Variants in ZNF536 observed in about 807,000 individuals in gnomAD.
The protein encoded by ZNF536 is zinc finger protein 536.
A neutral mutation model predicts 84.5 loss-of-function variants in ZNF536; 13 were observed. That is an observed-to-expected ratio of 0.15 (90% CI 0.10 to 0.24). The LOEUF (loss-of-function observed/expected upper bound fraction) is 0.24, where lower values mean the gene tolerates loss of function less well. ZNF536 is among the 10% of genes least tolerant of loss of function. The probability of loss-of-function intolerance (pLI) is 1.00; values close to 1 mark genes in which losing one functional copy is unlikely to be tolerated. For synonymous variants in ZNF536, 811 were observed against 742.5 expected (o/e 1.09, Z -1.50); for missense variants, 1,536 against 1,747.5 (o/e 0.88, Z 2.16).
At chr19:30,567,455 T>A (rs1283008766) in intron 1 of ZNF536, among the ~76,000 whole-genome samples, 1 of 152,332 alleles carries the variant, frequency 6.6e-6, no homozygotes, top group Middle Eastern at 3.4e-3. Context: ...AGTCCTTCCA[T>A]GTCACAGTCT....
chr19:30,275,166 T>C (rs2026060634), intron 1 of ZNF536, among the ~76,000 whole-genome samples: 1 of 152,134 alleles, frequency 6.6e-6, no homozygotes. Flanking sequence ...CTGGAGACCA[T>C]GGCCTCTGGG....
At chr19:30,586,442 G>A (rs1164769278) in intron 1 of ZNF536, among the ~76,000 whole-genome samples, 1 of 152,200 alleles carries the variant, frequency 6.6e-6, no homozygotes, top group Non-Finnish European at 1.5e-5. Context: ...GAATCAGGTG[G>A]ACAAATGCAT....
chr19:30,606,923 G>A (rs1418795508), intron 1 of ZNF536, among the ~76,000 whole-genome samples: 1 of 152,098 alleles, frequency 6.6e-6, no homozygotes, highest in African/African-American at 2.4e-5. Context: ...AGCTATTGGT[G>A]GAGGCCCCAG....
At chr19:30,407,649 C>A (rs1218656541) in intron 1 of ZNF536, among the ~76,000 whole-genome samples, 5 of 152,294 alleles carry the variant, frequency 3.3e-5, no homozygotes, top group Middle Eastern at 3.4e-3. Flanking sequence ...GGGTGATCAC[C>A]AAGATGAGTT....
chr19:30,259,364 A>T (rs2145224843), intron 1 of ZNF536, among the ~76,000 whole-genome samples: 1 of 152,356 alleles, frequency 6.6e-6, no homozygotes, highest in East Asian at 1.9e-4. Flanking sequence ...CAGAAAAAGA[A>T]TGCAGCAGCG....
intron 3 of ZNF536, among the ~76,000 whole-genome samples, chr19:30,541,825 A>G (rs1372559508): frequency 6.6e-6 from 1 of 152,240 alleles, no homozygotes; most frequent in Non-Finnish European, 1.5e-5. Flanking sequence ...AATTAGAGAC[A>G]CAGATTGTCC....
chr19:30,696,654 G>A (rs1308728956), intron 1 of ZNF536, among the ~76,000 whole-genome samples: 2 of 152,194 alleles, frequency 1.3e-5, no homozygotes, highest in Non-Finnish European at 2.9e-5. Context: ...GGCAAAATCT[G>A]TAGGGCATGC....
intron 2 of ZNF536, among the ~76,000 whole-genome samples, chr19:30,341,979 TG>T (rs2047579475): frequency 6.6e-6 from 1 of 152,246 alleles, no homozygotes; most frequent in African/African-American, 2.4e-5. Flanking sequence ...TTGGATCAGA[TG>T]ACTTTATGTA....
chr19:30,517,517 CA>C (rs2044131325), intron 2 of ZNF536, among the ~76,000 whole-genome samples: 1 of 152,162 alleles, frequency 6.6e-6, no homozygotes, highest in African/African-American at 2.4e-5. Context: ...CACAGTTTCT[CA>C]GGAGAAGCTG....
intron 1 of ZNF536, among the ~76,000 whole-genome samples, chr19:30,248,358 G>A (rs1372909861): frequency 6.7e-6 from 1 of 149,906 alleles, no homozygotes; most frequent in African/African-American, 2.5e-5. Flanking sequence ...GCCTCCCAAG[G>A]TGCTGGGATT....
chr19:30,258,400 T>C (rs1173513808), intron 1 of ZNF536, among the ~76,000 whole-genome samples: 1 of 152,202 alleles, frequency 6.6e-6, no homozygotes, highest in Non-Finnish European at 1.5e-5. Flanking sequence ...GCTCTAATCC[T>C]GGGGTGTTTC....
chr19:30,258,047 G>A (rs1019662811), intron 1 of ZNF536, among the ~76,000 whole-genome samples: 3 of 152,162 alleles, frequency 2.0e-5, no homozygotes, highest in Admixed American at 2.0e-4. Context: ...GTCCTCATGG[G>A]GGTCTGTGTG....
chr19:30,619,362 G>A (rs921364601), intron 1 of ZNF536, among the ~76,000 whole-genome samples: 2 of 152,240 alleles, frequency 1.3e-5, no homozygotes, highest in South Asian at 4.2e-4. Flanking sequence ...AGTAACTTAG[G>A]TACATGTCTG....
chr19:30,412,618 T>C (rs1467403982), intron 1 of ZNF536, among the ~76,000 whole-genome samples: 2 of 152,052 alleles, frequency 1.3e-5, no homozygotes, highest in African/African-American at 2.4e-5. Context: ...TAGCTTCTAA[T>C]AGAAAGTAGT....
chr19:30,453,105 T>G (rs1652752750), intron 2 of ZNF536, among the ~76,000 whole-genome samples: 1 of 152,130 alleles, frequency 6.6e-6, no homozygotes, highest in Admixed American at 6.5e-5. Context: ...AACATTTACT[T>G]AAGCTGTGGA....
intron 1 of ZNF536, among the ~76,000 whole-genome samples, chr19:30,267,866 A>G (rs1568545920): frequency 6.6e-6 from 1 of 150,866 alleles, no homozygotes; most frequent in East Asian, 1.9e-4. Context: ...TTGAGTGTGT[A>G]TGTGTGTGTG....
rs561605560 is a variant in ZNF536, at chr19:30,493,445, T to G, written c.2171-41402T>G. On this transcript the variant is annotated intron_variant, in intron 2 of 4. Coordinates refer to ENST00000355537, the MANE Select transcript of ZNF536 (RefSeq NM_014717.3). ...ACATATGCAACACTAATTTACTTTT[T>G]GTTGTTTTACTTAGCACAGAAATTG... Among the ~76,000 whole-genome samples the G allele has an allele frequency of 2.6e-5, 4 of 152,362 alleles. 1 individual carries two copies. The South Asian group carries it at 8.3e-4, about 32-fold the overall frequency.
intron 1 of ZNF536, among the ~76,000 whole-genome samples, chr19:30,281,494 G>C (rs1004740174): frequency 6.9e-6 from 1 of 144,034 alleles, no homozygotes. Context: ...CCTGGCAACC[G>C]GGACCTTCAC....
At chr19:30,417,343 G>A (rs1415454875) in intron 1 of ZNF536, among the ~76,000 whole-genome samples, 2 of 151,716 alleles carry the variant, frequency 1.3e-5, no homozygotes, top group Non-Finnish European at 2.9e-5. Context: ...AACATTCCTG[G>A]CATGCCGATG....
Sources: gnomAD v4.1 joint callset for allele counts (sites outside exome capture counted in the v4.1 genomes callset) on GRCh38, gnomAD v4.1.1 for gene constraint, MANE v1.5 for transcripts, NCBI Gene and HGNC (gene_info 2026-07-23, HGNC 2026-07-21) for gene names.